Variants in DIP2C observed in about 807,000 individuals in gnomAD.
DIP2C encodes the protein DIP2 acetate--CoA ligase C (putative).
DIP2C carries 33 observed loss-of-function variants against 192.4 expected under a neutral mutation model. The observed-to-expected ratio is 0.17, with a 90% confidence interval of 0.13 to 0.23. DIP2C has a LOEUF of 0.23. Ranked by LOEUF, DIP2C falls within the 10% of genes least tolerant of loss-of-function variation. The pLI is 1.00. For synonymous variants in DIP2C, 979 were observed against 864.1 expected, an observed-to-expected ratio of 1.13 and a Z score of -2.33; for missense variants, 1,537 against 2,110.1, an observed-to-expected ratio of 0.73 and a Z score of 5.32.
chr10:284,826 G>A (rs1166384148), intron 34 of DIP2C, among the ~76,000 whole-genome samples: 1 of 152,118 alleles, frequency 6.6e-6, no homozygotes, highest in East Asian at 1.9e-4. Flanking sequence ...ATACATCAAA[G>A]CATCACAGTG....
intron 2 of DIP2C, among the ~76,000 whole-genome samples, chr10:476,246 C>T (rs549740530): frequency 2.0e-5 from 3 of 152,256 alleles, no homozygotes; most frequent in South Asian, 2.1e-4. Flanking sequence ...AGGTTCTCCT[C>T]CCAGGAGCAC....
chr10:566,128 T>C (rs972568089), intron 1 of DIP2C, among the ~76,000 whole-genome samples: 3 of 152,234 alleles, frequency 2.0e-5, no homozygotes, highest in Admixed American at 6.5e-5. Flanking sequence ...AATCAATGCC[T>C]TATTTTAGGA....
chr10:598,827 G>GT (rs1851878240), intron 1 of DIP2C, among the ~76,000 whole-genome samples: 1 of 152,230 alleles, frequency 6.6e-6, no homozygotes, highest in Admixed American at 6.5e-5. Context: ...GGTCATGGGT[G>GT]TCTCCGACAT....
Position 414,036 on chromosome 10 carries a change from C to G in DIP2C, c.934G>C (p.Val312Leu). The G allele has an allele frequency of 1.2e-6, 2 of 1,614,148 alleles. No individual in the cohort carries two copies. The highest frequency in any genetic ancestry group is 1.7e-6 in the Non-Finnish European group (2 of 1,179,994). Reference protein sequence around the residue: ...MLAMRGEQLGVVTNWPPSLEA... With the variant: ...MLAMRGEQLGLVTNWPPSLEA... ...AGCGACGGCGGCCAGTTCGTGACCACGCCCAGCTGCTCTCCGCGCATGGCC... is the reference window on the plus strand; with the variant it reads ...AGCGACGGCGGCCAGTTCGTGACCAGGCCCAGCTGCTCTCCGCGCATGGCC... The change falls in exon 8 of 37, where the codon GTG (valine) becomes CTG (leucine). Residue 312 changes from valine (V) to leucine (L), a missense_variant. By Grantham distance (32) the Val-to-Leu change is conservative (BLOSUM62 1). Coordinates refer to ENST00000280886, the MANE Select transcript of DIP2C (RefSeq NM_014974.3).
At position 397,152 on chromosome 10, in the gene DIP2C, C is replaced by T. The variant is rs186299421; in HGVS notation, c.1260+1957G>A. 2.3e-3 allele frequency among the ~76,000 whole-genome samples: 350 copies of T among 152,262 alleles called. 1 individual carries two copies. Among genetic ancestry groups the T allele is most frequent in the Admixed American group, 0.019 (296 of 15,296 alleles). On this transcript the variant is annotated intron_variant, in intron 10 of 36. Coordinates refer to ENST00000280886, the MANE Select transcript of DIP2C (RefSeq NM_014974.3). ...TTTAATGCTGGAGTAGCCACAAAGA[C>T]AGCTGAAGTTTCTTTGCCTGGGCTA...
chr10:541,180 C>T (rs1847965325), intron 1 of DIP2C, among the ~76,000 whole-genome samples: 1 of 152,118 alleles, frequency 6.6e-6, no homozygotes, highest in South Asian at 2.1e-4. Context: ...ATGTACCAAA[C>T]ACGTTCTACC....
At chr10:621,867 T>G (rs567343399) in intron 1 of DIP2C, among the ~76,000 whole-genome samples, 1 of 152,310 alleles carries the variant, frequency 6.6e-6, no homozygotes, top group East Asian at 1.9e-4. Flanking sequence ...TGTCATTCGC[T>G]GATAAACTGA....
chr10:362,781 A>G, intron 21 of DIP2C, 90 bp from the exon 22 acceptor site: 2 of 1,383,622 alleles, frequency 1.4e-6, no homozygotes, highest in Non-Finnish European at 9.8e-7. Context: ...CACAATACAC[A>G]GAAGTCTGTG....
At chr10:635,789 T>G (rs1419137405) in intron 1 of DIP2C, among the ~76,000 whole-genome samples, 1 of 152,058 alleles carries the variant, frequency 6.6e-6, no homozygotes, top group African/African-American at 2.4e-5. Flanking sequence ...AGGGCAGAGG[T>G]GGCCAAACTG....
At chr10:387,622 A>C in intron 14 of DIP2C, 123 bp downstream of exon 14, 2 of 731,582 alleles carry the variant, frequency 2.7e-6, no homozygotes, top group Non-Finnish European at 2.4e-6. Flanking sequence ...GTGTGGACAG[A>C]CAGTGTGGGG....
In DIP2C at chr10:518,118, G is replaced by A. The variant is rs139429742; in HGVS notation, c.86-31588C>T. ...CTGGCCAGCAAGTCCTGGTCAGCTC[G>A]GTCTCTGCACAGTCACAGGCATGAG... On this transcript the variant is annotated intron_variant, in intron 1 of 36. Transcript: ENST00000280886. Among the ~76,000 whole-genome samples, 925 of 152,306 alleles carry A rather than the reference G, an allele frequency of 6.1e-3. 5 individuals carry two copies. The highest frequency in any genetic ancestry group is 0.016 in the Admixed American group (248 of 15,302).
At chr10:377,232 C>T (rs1961722358) in intron 17 of DIP2C, among the ~76,000 whole-genome samples, 1 of 149,818 alleles carries the variant, frequency 6.7e-6, no homozygotes, top group Admixed American at 6.7e-5. Flanking sequence ...AACTTTTTTA[C>T]AAACTCTTTC....
chr10:547,255 C>T (rs1312760739), intron 1 of DIP2C, among the ~76,000 whole-genome samples: 1 of 152,214 alleles, frequency 6.6e-6, no homozygotes, highest in East Asian at 1.9e-4. Flanking sequence ...CCTTGGTCCT[C>T]TGATCCAGGA....
chr10:559,029 CAG>C (rs974386628), intron 1 of DIP2C, among the ~76,000 whole-genome samples: 28 of 151,658 alleles, frequency 1.8e-4, no homozygotes, highest in African/African-American at 6.3e-4. Flanking sequence ...CAAGGAATCT[CAG>C]AGGTTTTCAA....
At chr10:308,188 G>A (rs1956413528) in intron 32 of DIP2C, among the ~76,000 whole-genome samples, 1 of 152,244 alleles carries the variant, frequency 6.6e-6, no homozygotes, top group African/African-American at 2.4e-5. Flanking sequence ...TGCCAGGTCT[G>A]AGTCTCATGA....
intron 32 of DIP2C, among the ~76,000 whole-genome samples, chr10:302,046 A>AT (rs1301500738): frequency 6.6e-6 from 1 of 152,184 alleles, no homozygotes; most frequent in African/African-American, 2.4e-5. Context: ...CCCGATGATC[A>AT]TCTCAAGTTG....
intron 1 of DIP2C, among the ~76,000 whole-genome samples, chr10:532,452 C>CA (rs1469627941): frequency 6.6e-6 from 1 of 152,218 alleles, no homozygotes; most frequent in Admixed American, 6.5e-5. Flanking sequence ...TACCTTAGAG[C>CA]AACCAAAACA....
intron 3 of DIP2C, among the ~76,000 whole-genome samples, chr10:445,576 T>G (rs1380942439): frequency 6.6e-6 from 1 of 151,132 alleles, no homozygotes; most frequent in Non-Finnish European, 1.5e-5. Context: ...TATACATCTG[T>G]TGTGAAGAGT....
At chr10:438,987 A>C (rs753465738) in intron 4 of DIP2C, among the ~76,000 whole-genome samples, 1 of 151,938 alleles carries the variant, frequency 6.6e-6, no homozygotes, top group Non-Finnish European at 1.5e-5. Flanking sequence ...AGGCCCAGCT[A>C]ATTTTTTGTA....
Sources: gnomAD v4.1 joint callset for allele counts (sites outside exome capture counted in the v4.1 genomes callset) on GRCh38, gnomAD v4.1.1 for gene constraint, MANE v1.5 for transcripts, NCBI Gene and HGNC (gene_info 2026-07-23, HGNC 2026-07-21) for gene names.